GLRA3: variants seen among roughly 807,000 people sequenced by gnomAD.
GLRA3 encodes the protein glycine receptor alpha 3.
In GLRA3, 44 loss-of-function variants were observed where a neutral mutation model predicts 60.4. That is an observed-to-expected ratio of 0.73 (90% CI 0.57 to 0.94). The LOEUF is 0.94. GLRA3 is among the 40% of genes least tolerant of loss of function. The pLI is 0.00. For missense variants in GLRA3, 508 were observed against 564.6 expected (o/e 0.90, Z 1.02); for synonymous variants, 223 against 192.9 (o/e 1.16, Z -1.29).
intron 3 of GLRA3, among the ~76,000 whole-genome samples, chr4:174,760,414 AT>A (rs1737890680): frequency 6.6e-6 from 1 of 151,708 alleles, no homozygotes; most frequent in Non-Finnish European, 1.5e-5. Context: ...AGTAATTTGA[AT>A]GGGGAGCAAT....
At position 174,806,830 on chromosome 4, in the gene GLRA3, A is replaced by C. The variant is rs114127039; in HGVS notation, c.72-17887T>G. Among the ~76,000 whole-genome samples, 541 of 152,174 alleles carry C rather than the reference A, an allele frequency of 3.6e-3. 7 individuals are homozygous for C. The highest frequency in any genetic ancestry group is 0.013 in the African/African-American group (520 of 41,574). ...TATATATTTCTATAGACACCCATAT[A>C]CATACAAAACACATATTCTTATATT... On this transcript the variant is annotated intron_variant, in intron 1 of 9. Coordinates refer to ENST00000274093, the MANE Select transcript of GLRA3 (RefSeq NM_006529.4).
At chr4:174,723,365 A>C (rs1736201239) in intron 4 of GLRA3, among the ~76,000 whole-genome samples, 1 of 152,104 alleles carries the variant, frequency 6.6e-6, no homozygotes, top group Non-Finnish European at 1.5e-5. Context: ...TATTGTTAGT[A>C]AGAAGCCTCT....
intron 1 of GLRA3, among the ~76,000 whole-genome samples, chr4:174,801,235 C>G (rs1739799758): frequency 6.6e-6 from 1 of 152,030 alleles, no homozygotes; most frequent in African/African-American, 2.4e-5. Context: ...TTGTCAAGGT[C>G]CTAATATCCT....
rs2110817677 is a variant in GLRA3 at position 174,637,660 on chromosome 4, T to A, written c.*6126A>T. ...TAAAATAAAACAACTTAATCCCCTGTACTTTTGTTATAGCTTTACTCTAAA... is the reference window on the plus strand; with the variant it reads ...TAAAATAAAACAACTTAATCCCCTGAACTTTTGTTATAGCTTTACTCTAAA... On this transcript the variant is annotated 3_prime_UTR_variant, in exon 10 of 10. Coordinates refer to ENST00000274093, the MANE Select transcript of GLRA3 (RefSeq NM_006529.4). The A allele has an allele frequency of 6.6e-6, 1 of 152,360 alleles. No individual in the cohort carries two copies. Among genetic ancestry groups the A allele is most frequent in the Admixed American group, 6.5e-5 (1 of 15,300 alleles). 9.4% of individuals were successfully genotyped at this position (152,360 alleles called of 1,614,324 possible). A position where few individuals can be genotyped will look rare whatever the true frequency, so the allele number is the denominator to read the frequency against.
chr4:174,814,724 T>C (rs1740415214), intron 1 of GLRA3, among the ~76,000 whole-genome samples: 1 of 152,068 alleles, frequency 6.6e-6, no homozygotes, highest in Non-Finnish European at 1.5e-5. Flanking sequence ...TCTGATGAGA[T>C]TTATTCACTG....
intron 3 of GLRA3, among the ~76,000 whole-genome samples, chr4:174,732,797 G>GTGTA (rs1193669574): frequency 6.6e-6 from 1 of 151,112 alleles, no homozygotes; most frequent in African/African-American, 2.4e-5. Context: ...ATATATTTAT[G>GTGTA]TGTATGTATG....
intron 3 of GLRA3, among the ~76,000 whole-genome samples, chr4:174,750,104 T>A (rs1056924067): frequency 5.3e-5 from 8 of 152,118 alleles, no homozygotes; most frequent in African/African-American, 1.9e-4. Context: ...CCAATTATAC[T>A]CAATCCAAGG....
At chr4:174,709,912 T>C (rs1561070140) in intron 5 of GLRA3, among the ~76,000 whole-genome samples, 1 of 152,016 alleles carries the variant, frequency 6.6e-6, no homozygotes, top group Non-Finnish European at 1.5e-5. Context: ...ACCACTTGTG[T>C]TGCAGCTAAT....
At chr4:174,734,782 G>T (rs888442166) in intron 3 of GLRA3, among the ~76,000 whole-genome samples, 23 of 152,002 alleles carry the variant, frequency 1.5e-4, no homozygotes. Flanking sequence ...ACAATACAAA[G>T]CTGTATTCCA....
At chr4:174,779,875 T>G (rs1238320755) in intron 2 of GLRA3, among the ~76,000 whole-genome samples, 2 of 152,000 alleles carry the variant, frequency 1.3e-5, no homozygotes, top group Admixed American at 1.3e-4. Flanking sequence ...TGGAACCAAG[T>G]TGGAAAACAC....
chr4:174,822,580 A>G (rs56236933), intron 1 of GLRA3, among the ~76,000 whole-genome samples: 23,754 of 152,222 alleles, frequency 0.16, 2,039 homozygotes, highest in Non-Finnish European at 0.19. Flanking sequence ...GAAGATGTTC[A>G]GAGATTCTAA....
Position 174,638,073 on chromosome 4 carries a change from C to G in GLRA3, c.*5713G>C, listed in dbSNP as rs1732540742. The G allele has an allele frequency of 6.6e-6, 1 of 152,040 alleles. No homozygotes were observed. The highest frequency in any genetic ancestry group is 1.5e-5 in the Non-Finnish European group (1 of 68,010). 9.4% of individuals were successfully genotyped at this position (152,040 alleles called of 1,614,324 possible). A position where few individuals can be genotyped will look rare whatever the true frequency, so the allele number is the denominator to read the frequency against. On this transcript the variant is annotated 3_prime_UTR_variant, in exon 10 of 10. Coordinates refer to ENST00000274093, the MANE Select transcript of GLRA3 (RefSeq NM_006529.4). ...GTCTTATAGGAGGGGAATAAACTTA[C>G]TTGGTATTTTAGGAAGTAAAAGTCA... is the stretch of plus-strand genomic sequence containing the variant.
At chr4:174,768,899 T>C (rs1738263019) in intron 2 of GLRA3, among the ~76,000 whole-genome samples, 1 of 152,150 alleles carries the variant, frequency 6.6e-6, no homozygotes, top group East Asian at 1.9e-4. Flanking sequence ...AAATATTTTG[T>C]GCTAGGGGCT....
chr4:174,744,107 A>G (rs1311944432), intron 3 of GLRA3, among the ~76,000 whole-genome samples: 2 of 152,200 alleles, frequency 1.3e-5, no homozygotes, highest in Non-Finnish European at 2.9e-5. Context: ...TGCTGCAGCC[A>G]TCAAAAGTAG....
intron 3 of GLRA3, among the ~76,000 whole-genome samples, chr4:174,763,792 G>C (rs1398473607): frequency 6.6e-6 from 1 of 152,118 alleles, no homozygotes; most frequent in East Asian, 1.9e-4. Context: ...AAACAGTAAT[G>C]ATGGTAAACT....
chr4:174,676,882 G>A (rs6828475), intron 7 of GLRA3, among the ~76,000 whole-genome samples, 196 bp downstream of exon 7: 54,126 of 151,610 alleles, frequency 0.36, 10,234 homozygotes, highest in Middle Eastern at 0.45. Context: ...TGTGAATAGC[G>A]GATATCACTG....
intron 1 of GLRA3, among the ~76,000 whole-genome samples, chr4:174,820,905 T>G (rs557440612): frequency 6.6e-6 from 1 of 152,294 alleles, no homozygotes; most frequent in African/African-American, 2.4e-5. Flanking sequence ...ACAATCATTT[T>G]TTTTTTAAAT....
intron 3 of GLRA3, among the ~76,000 whole-genome samples, chr4:174,737,264 C>T (rs1736835174): frequency 1.3e-5 from 2 of 152,102 alleles, no homozygotes; most frequent in African/African-American, 2.4e-5. Context: ...GTTATACACA[C>T]ACATATTTAA....
intron 1 of GLRA3, among the ~76,000 whole-genome samples, chr4:174,798,678 A>C (rs904692519): frequency 9.8e-5 from 15 of 152,370 alleles, no homozygotes; most frequent in South Asian, 2.1e-4. Context: ...TAATCCCAGC[A>C]CTTTGGGAGG....
Sources: gnomAD v4.1 joint callset for allele counts (sites outside exome capture counted in the v4.1 genomes callset) on GRCh38, gnomAD v4.1.1 for gene constraint, MANE v1.5 for transcripts, NCBI Gene and HGNC (gene_info 2026-07-23, HGNC 2026-07-21) for gene names.